The following PDE2A variants were observed in gnomAD, a reference collection of about 807,000 sequenced individuals.
PDE2A encodes phosphodiesterase 2A.
PDE2A carries 53 observed loss-of-function variants against 133.6 expected under a neutral mutation model. The ratio of observed to expected loss-of-function variants is 0.40; its 90% confidence interval spans 0.32 to 0.50. The LOEUF is 0.50. PDE2A is among the 20% of genes least tolerant of loss of function. The pLI, the probability that PDE2A is intolerant of heterozygous loss-of-function variation, is 0.73. For missense variants in PDE2A, 796 were observed against 1,232.4 expected, an observed-to-expected ratio of 0.65 and a Z score of 5.30; for synonymous variants, 491 against 490.2, an observed-to-expected ratio of 1.00 and a Z score of -0.02.
intron 14 of PDE2A, 51 bp from the exon 15 acceptor site, chr11:72,585,644 C>T (rs753369356): frequency 3.9e-6 from 6 of 1,555,418 alleles, no homozygotes; most frequent in Non-Finnish European, 5.3e-6. Flanking sequence ...TAGGGGTCAC[C>T]CTATCCAACC....
chr11:72,608,712 C>T lies in PDE2A; in HGVS notation c.184G>A (p.Gly62Ser). The T allele has an allele frequency of 6.3e-7, 1 of 1,575,900 alleles. No homozygotes were observed. The highest frequency in any genetic ancestry group is 8.6e-7 in the Non-Finnish European group (1 of 1,160,684). Residue 62 changes from glycine (G) to serine (S), a missense_variant, in exon 3 of 31, where the codon GGC (glycine) becomes AGC (serine). By Grantham distance (56) the Gly-to-Ser change is moderately conservative. Transcript: ENST00000334456. ...GCCTCCTTGACAGCACGTTGCAGGC[C>T]TGAAATGTCGATGACAGAGCCCAGA... Reference protein sequence around the residue: ...LSLGSVIDISGLQRAVKEALS... With the variant: ...LSLGSVIDISSLQRAVKEALS...
intron 2 of PDE2A, chr11:72,636,203 G>C (rs1403372955): frequency 9.2e-6 from 9 of 978,534 alleles, no homozygotes; most frequent in Non-Finnish European, 9.9e-6. Flanking sequence ...GGAGCTGCAG[G>C]GGGCAGCCAC....
At chr11:72,605,289 T>G in intron 3 of PDE2A, 63 bp from the exon 4 acceptor site, 1 of 972,782 alleles carries the variant, frequency 1.0e-6, no homozygotes, top group Non-Finnish European at 1.5e-6. Flanking sequence ...AGTCCCAGCC[T>G]GTACACAGGG....
chr11:72,657,126 G>A (rs1202900725), intron 1 of PDE2A, among the ~76,000 whole-genome samples: 1 of 152,082 alleles, frequency 6.6e-6, no homozygotes, highest in Non-Finnish European at 1.5e-5. Flanking sequence ...CACTTGCACA[G>A]CCCCTGGCCC....
In PDE2A at chr11:72,585,497, T is replaced by G. The variant is rs1407530000; in HGVS notation, c.1222+57A>C. 2.5e-6 allele frequency: 4 copies of G among 1,612,182 alleles called. No individual in the cohort carries two copies. The African/African-American group carries it at 4.0e-5, about 16-fold the overall frequency. On this transcript the variant is annotated intron_variant, in intron 15 of 30. Transcript: ENST00000334456. The stretch of plus-strand genomic sequence containing the variant: ...CTGCCAAGACCTCCCGCCTCTCCTC[T>G]GCAAATGCCAGCCCCCATGCCCACA...
Position 72,658,803 on chromosome 11 carries a change from A to AAACC in PDE2A, c.71+15330_71+15333dup, listed in dbSNP as rs563847568. ...GATACAACAATGAACAACACAAACC[A>AAACC]AACCTAATCCCTGCCTTTGTGGGCT... On this transcript the variant is annotated intron_variant, in intron 1 of 30. Transcript: ENST00000334456. 4.2e-4 allele frequency among the ~76,000 whole-genome samples: 64 copies of AAACC among 152,242 alleles called. No homozygotes were observed. In the East Asian group the frequency reaches 0.012, roughly 29 times the overall value.
chr11:72,595,049 CA>C (rs1211472260), intron 6 of PDE2A, among the ~76,000 whole-genome samples: 2 of 152,068 alleles, frequency 1.3e-5, no homozygotes. Context: ...CACACACACA[CA>C]CACACACACA....
chr11:72,600,748 G>A (rs2135337944), intron 4 of PDE2A, among the ~76,000 whole-genome samples: 1 of 152,182 alleles, frequency 6.6e-6, no homozygotes, highest in Admixed American at 6.5e-5. Flanking sequence ...GGGTTGTGGG[G>A]AACTCCACAA....
chr11:72,655,301 C>T (rs1332238208), intron 1 of PDE2A, among the ~76,000 whole-genome samples: 1 of 127,138 alleles, frequency 7.9e-6, no homozygotes, highest in Admixed American at 7.6e-5. Context: ...CTGGAGGCTG[C>T]TGCCTCCCTG....
At chr11:72,642,401 CGGCCCGGCCGCT>C (rs1858996597) in intron 1 of PDE2A, 75 bp from the exon 2 acceptor site, 14 of 1,285,422 alleles carry the variant, frequency 1.1e-5, no homozygotes, top group Non-Finnish European at 1.4e-5. Context: ...GCCCGCCCGC[CGGCCCGGCCGCT>C]GCGCTCGGTC....
chr11:72,618,849 C>T (rs1486006018), intron 2 of PDE2A, among the ~76,000 whole-genome samples: 1 of 117,040 alleles, frequency 8.5e-6, no homozygotes, highest in African/African-American at 3.7e-5. Flanking sequence ...CTGAGGCAGG[C>T]TGTCATACAG....
chr11:72,650,822 T>G (rs1341328805), intron 1 of PDE2A, among the ~76,000 whole-genome samples: 1 of 146,012 alleles, frequency 6.8e-6, no homozygotes, highest in Non-Finnish European at 1.5e-5. Context: ...CTGGCCCCAC[T>G]CCAGGGGTGC....
chr11:72,664,909 C>A (rs1242910227), intron 1 of PDE2A, among the ~76,000 whole-genome samples: 1 of 152,046 alleles, frequency 6.6e-6, no homozygotes, highest in East Asian at 1.9e-4. Context: ...TGGGTTCAAG[C>A]AATTCTCCTG....
intron 1 of PDE2A, among the ~76,000 whole-genome samples, chr11:72,647,586 C>T (rs921498598): frequency 1.3e-5 from 2 of 152,206 alleles, no homozygotes; most frequent in Non-Finnish European, 2.9e-5. Context: ...TGGGCTAGAG[C>T]CCATGGACTA....
intron 25 of PDE2A, 39 bp from the exon 26 acceptor site, chr11:72,579,647 A>C: frequency 7.0e-7 from 1 of 1,420,776 alleles, no homozygotes; most frequent in Non-Finnish European, 9.9e-7. Flanking sequence ...GCTGGGGCAG[A>C]TGGGCTCCCT....
intron 1 of PDE2A, among the ~76,000 whole-genome samples, chr11:72,645,454 G>A (rs1422061240): frequency 6.6e-6 from 1 of 152,174 alleles, no homozygotes; most frequent in Non-Finnish European, 1.5e-5. Flanking sequence ...AGGCCTTGCC[G>A]AGCTCTTATA....
At chr11:72,585,084 G>T in intron 16 of PDE2A, 140 bp from the exon 17 acceptor site, 1 of 801,576 alleles carries the variant, frequency 1.2e-6, no homozygotes, top group Non-Finnish European at 2.0e-6. Context: ...GGGCTGGCTG[G>T]CTCCAGAAAC....
intron 16 of PDE2A, 58 bp downstream of exon 16, chr11:72,585,313 T>G: frequency 7.1e-7 from 1 of 1,409,170 alleles, no homozygotes; most frequent in South Asian, 1.2e-5. Flanking sequence ...GGAAAGGAGA[T>G]GATGGGGACT....
chr11:72,652,722 G>A (rs78026059), intron 1 of PDE2A: 13,417 of 456,246 alleles, frequency 0.029, 305 homozygotes, highest in African/African-American at 0.075. Context: ...TTCGTCCAAA[G>A]TCATGCAGCT....
Sources: gnomAD v4.1 joint callset for allele counts (sites outside exome capture counted in the v4.1 genomes callset) on GRCh38, gnomAD v4.1.1 for gene constraint, MANE v1.5 for transcripts, NCBI Gene and HGNC (gene_info 2026-07-23, HGNC 2026-07-21) for gene names.